MCPH1: variants seen among roughly 807,000 people sequenced by gnomAD.
MCPH1 encodes microcephalin 1, also known as microcephalin.
In MCPH1, 104 loss-of-function variants were observed where a neutral mutation model predicts 84.5. That is an observed-to-expected ratio of 1.23 (90% CI 1.05 to 1.45). The LOEUF is 1.45. Among genes scored for constraint, MCPH1 ranks in the 40% most tolerant of loss-of-function variants. MCPH1 has a pLI of 0.00. For missense variants in MCPH1, 1,498 were observed against 1,005.7 expected, an observed-to-expected ratio of 1.49 and a Z score of -6.62; for synonymous variants, 514 against 366.8, an observed-to-expected ratio of 1.40 and a Z score of -4.58.
At chr8:6,496,625 A>G (rs903210546) in intron 11 of MCPH1, among the ~76,000 whole-genome samples, 12 of 150,418 alleles carry the variant, frequency 8.0e-5, no homozygotes, top group African/African-American at 3.0e-4. Flanking sequence ...GTGGTAAGCT[A>G]TGGTGGGCGG....
chr8:6,444,357 A>G, intron 7 of MCPH1, 36 bp from the exon 8 acceptor site: 1 of 1,613,198 alleles, frequency 6.2e-7, no homozygotes, highest in Non-Finnish European at 8.5e-7. Flanking sequence ...AATTTAAACC[A>G]CTTTTAAAAG....
intron 9 of MCPH1, among the ~76,000 whole-genome samples, chr8:6,466,908 C>G (rs1234052399): frequency 6.6e-6 from 1 of 152,160 alleles, no homozygotes; most frequent in African/African-American, 2.4e-5. Flanking sequence ...CCTTTCCTTA[C>G]GTCTTTAACT....
chr8:6,554,904 G>A (rs751331795), intron 12 of MCPH1, among the ~76,000 whole-genome samples: 3 of 152,194 alleles, frequency 2.0e-5, no homozygotes, highest in Non-Finnish European at 4.4e-5. Context: ...GTCAAGTGGT[G>A]CAAGGAAGGA....
At chr8:6,521,678 G>T (rs764352035) in intron 12 of MCPH1, among the ~76,000 whole-genome samples, 2 of 152,206 alleles carry the variant, frequency 1.3e-5, no homozygotes, top group Non-Finnish European at 2.9e-5. Flanking sequence ...TCTGGTCCAG[G>T]ATAGGTGGGA....
Position 6,560,520 on chromosome 8 carries a change from G to A in MCPH1, c.2214+60591G>A, listed in dbSNP as rs574413547. On this transcript the variant is annotated intron_variant, in intron 12 of 13. Transcript: ENST00000344683. ...ATTCCCAAGCCAGAAGCCGTAAACCGAGCGAGAGTGCAAATTGCCTTTCTC... is the reference window on the plus strand; with the variant it reads ...ATTCCCAAGCCAGAAGCCGTAAACCAAGCGAGAGTGCAAATTGCCTTTCTC... Among the ~76,000 whole-genome samples the A allele has an allele frequency of 7.6e-4, 115 of 152,250 alleles. No homozygotes were observed. The Middle Eastern group carries it at 0.01, about 14-fold the overall frequency.
At chr8:6,435,979 C>A (rs537797610) in intron 4 of MCPH1, 69 bp from the exon 5 acceptor site, 4 of 1,580,640 alleles carry the variant, frequency 2.5e-6, no homozygotes, top group Non-Finnish European at 3.4e-6. Context: ...GAAATGTATG[C>A]GAAAGGGCTT....
chr8:6,559,665 C>T (rs990990629), intron 12 of MCPH1, among the ~76,000 whole-genome samples: 1 of 152,086 alleles, frequency 6.6e-6, no homozygotes, highest in Non-Finnish European at 1.5e-5. Context: ...TTCCATATTT[C>T]CTCTTATCAG....
At chr8:6,481,865 T>C (rs966901396) in intron 11 of MCPH1, among the ~76,000 whole-genome samples, 8 of 152,150 alleles carry the variant, frequency 5.3e-5, no homozygotes, top group Middle Eastern at 3.2e-3. Context: ...TCATCCAGGG[T>C]TTTGTTTTGT....
chr8:6,447,896 T>G (rs1340839695), intron 8 of MCPH1, among the ~76,000 whole-genome samples: 1 of 152,176 alleles, frequency 6.6e-6, no homozygotes. Context: ...TTTTTTCTTT[T>G]TTACTTTTTT....
At chr8:6,582,533 CTTTAT>C (rs1317975134) in intron 12 of MCPH1, among the ~76,000 whole-genome samples, 1 of 152,122 alleles carries the variant, frequency 6.6e-6, no homozygotes, top group Non-Finnish European at 1.5e-5. Context: ...ATCCTTACTC[CTTTAT>C]TTTATTTTTT....
intron 11 of MCPH1, among the ~76,000 whole-genome samples, chr8:6,489,288 G>A (rs1283721855): frequency 6.6e-6 from 1 of 151,992 alleles, no homozygotes; most frequent in Admixed American, 6.5e-5. Flanking sequence ...TCTCTGGGCT[G>A]TGCCCCTATG....
At chr8:6,474,278 C>A in intron 9 of MCPH1, 1 of 534,476 alleles carries the variant, frequency 1.9e-6, no homozygotes. Context: ...GTATTTCAAT[C>A]CTGATTTTGA....
chr8:6,642,659 T>C, intron 13 of MCPH1: 1 of 414,786 alleles, frequency 2.4e-6, no homozygotes, highest in South Asian at 2.2e-5. Flanking sequence ...AGATTAGAAA[T>C]TCTTGGCTCC....
chr8:6,525,027 A>G (rs886442454), intron 12 of MCPH1, among the ~76,000 whole-genome samples: 1 of 152,242 alleles, frequency 6.6e-6, no homozygotes, highest in East Asian at 1.9e-4. Context: ...AAATGAAGGC[A>G]TTCGATTTCA....
Position 6,578,041 on chromosome 8 carries a change from G to T in MCPH1, c.2215-43413G>T, listed in dbSNP as rs188337552. ...GCGAGGAGTTTTTCTGCTATGTTTG[G>T]GGAGAGCCTCACTCCCCTGCTCAGT... is the stretch of plus-strand genomic sequence containing the variant. On this transcript the variant is annotated intron_variant, in intron 12 of 13. Coordinates refer to ENST00000344683, the MANE Select transcript of MCPH1 (RefSeq NM_024596.5). Among the ~76,000 whole-genome samples, 83 of 152,224 alleles carry T rather than the reference G, an allele frequency of 5.5e-4. 3 individuals carry two copies. In the South Asian group the frequency reaches 0.013, roughly 24 times the overall value.
At chr8:6,593,817 G>T (rs890137270) in intron 12 of MCPH1, among the ~76,000 whole-genome samples, 1 of 152,194 alleles carries the variant, frequency 6.6e-6, no homozygotes, top group African/African-American at 2.4e-5. Flanking sequence ...CCTCTTCCTT[G>T]CAAGATACTT....
At chr8:6,617,900 A>AATCAATCTATCT (rs1554480976) in intron 12 of MCPH1, among the ~76,000 whole-genome samples, 3 of 143,014 alleles carry the variant, frequency 2.1e-5, no homozygotes, top group Non-Finnish European at 4.5e-5. Context: ...CTATCTATCT[A>AATCAATCTATCT]ATCTATCTAT....
At chr8:6,474,832 C>A (rs1047811904) in intron 9 of MCPH1, among the ~76,000 whole-genome samples, 1 of 152,072 alleles carries the variant, frequency 6.6e-6, no homozygotes, top group Non-Finnish European at 1.5e-5. Flanking sequence ...GAGACCCCAT[C>A]TTAAAAAATA....
chr8:6,495,750 A>G (rs1811153838), intron 11 of MCPH1, among the ~76,000 whole-genome samples: 3 of 152,210 alleles, frequency 2.0e-5, no homozygotes, highest in Non-Finnish European at 2.9e-5. Context: ...AAACACCCCA[A>G]TCACTTTCAG....
Sources: allele counts gnomAD v4.1 joint callset (sites outside exome capture counted in the v4.1 genomes callset), GRCh38; gene constraint gnomAD v4.1.1; transcripts MANE v1.5; gene names NCBI Gene and HGNC (gene_info 2026-07-23, HGNC 2026-07-21).